The following EML4 variants were observed in gnomAD, a reference collection of about 807,000 sequenced individuals.
EML4 encodes echinoderm microtubule-associated protein-like 4.
EML4 carries 72 observed loss-of-function variants against 129.0 expected under a neutral mutation model. The ratio of observed to expected loss-of-function variants is 0.56; its 90% CI spans 0.46 to 0.68. The LOEUF (loss-of-function observed/expected upper bound fraction) is 0.68. Among genes scored for constraint, EML4 ranks in the 30% least tolerant of loss-of-function variants. The pLI is 0.00. For missense variants in EML4, 1,363 were observed against 1,190.6 expected (o/e 1.14, Z -2.13); for synonymous variants, 532 against 405.0 (o/e 1.31, Z -3.77).
chr2:42,256,634 C>T lies in EML4; in HGVS notation c.338+4C>T. ...CTCTTTCATCTGCTGCTAAAAGGTA[C>T]CCATTTATGAAAGGGGGAAAAACTA... On this transcript the variant is annotated splice_donor_region_variant and intron_variant, in intron 3 of 22. Coordinates refer to ENST00000318522, the MANE Select transcript of EML4 (RefSeq NM_019063.5). 2 of 1,612,728 alleles carry T rather than the reference C, an allele frequency of 1.2e-6. No individual in the cohort carries two copies. Among genetic ancestry groups the T allele is most frequent in the Non-Finnish European group, 1.7e-6 (2 of 1,179,450 alleles).
intron 19 of EML4, 51 bp downstream of exon 19, chr2:42,317,575 C>A (rs368026428): frequency 3.8e-4 from 498 of 1,303,238 alleles, no homozygotes; most frequent in Middle Eastern, 1.1e-3. Flanking sequence ...ATTTTACTTC[C>A]GTTAAAAACA....
intron 1 of EML4, among the ~76,000 whole-genome samples, chr2:42,212,494 A>G (rs962004628): frequency 9.9e-5 from 15 of 152,094 alleles, no homozygotes; most frequent in Non-Finnish European, 1.8e-4. Flanking sequence ...TTTTAGCAAT[A>G]CATGTTTCAT....
At chr2:42,185,949 A>G (rs1671225927) in intron 1 of EML4, among the ~76,000 whole-genome samples, 1 of 152,174 alleles carries the variant, frequency 6.6e-6, no homozygotes, top group African/African-American at 2.4e-5. Flanking sequence ...AAAATCTACA[A>G]GACTCTGTTA....
intron 1 of EML4, among the ~76,000 whole-genome samples, chr2:42,225,249 C>T (rs889655223): frequency 6.6e-6 from 1 of 152,028 alleles, no homozygotes; most frequent in Non-Finnish European, 1.5e-5. Context: ...TCCACACTTT[C>T]GGTTCTGTTG....
chr2:42,218,761 C>G (rs929719442), intron 1 of EML4, among the ~76,000 whole-genome samples: 1 of 152,170 alleles, frequency 6.6e-6, no homozygotes, highest in Non-Finnish European at 1.5e-5. Flanking sequence ...ACTTTGACCA[C>G]AAGAATATTT....
chr2:42,313,812 C>G (rs891758736), intron 17 of EML4, among the ~76,000 whole-genome samples: 2 of 151,954 alleles, frequency 1.3e-5, no homozygotes, highest in African/African-American at 4.8e-5. Flanking sequence ...GCCTGTAGTC[C>G]CAGCTACTTG....
chr2:42,208,449 T>A (rs571867046), intron 1 of EML4, among the ~76,000 whole-genome samples: 1 of 151,208 alleles, frequency 6.6e-6, no homozygotes, highest in East Asian at 1.9e-4. Flanking sequence ...CTTTTCTTTT[T>A]TTTTTTTGAG....
intron 17 of EML4, among the ~76,000 whole-genome samples, chr2:42,313,644 T>C (rs777464080): frequency 2.0e-5 from 3 of 152,126 alleles, no homozygotes; most frequent in Non-Finnish European, 4.4e-5. Flanking sequence ...AAGAAACTTA[T>C]TGGCCGGATA....
chr2:42,261,281 A>C lies in EML4; in HGVS notation c.499A>C (p.Thr167Pro). The C allele has an allele frequency of 6.2e-7, 1 of 1,612,920 alleles. No homozygotes were observed. The highest frequency in any genetic ancestry group is 8.5e-7 in the Non-Finnish European group (1 of 1,179,412). Residue 167 changes from threonine to proline, a missense_variant, in exon 4 of 23, where the codon ACT becomes CCT. Physicochemically the swap from Thr to Pro is conservative, Grantham distance 38. Coordinates refer to ENST00000318522, the MANE Select transcript of EML4 (RefSeq NM_019063.5). ...HRQTPESKNA[T>P]PTKSIKRPSP... Reference sequence around the variant, plus strand: ...ACAAACTCCAGAAAGCAAGAATGCTACTCCCACCAAAAGGTTTTAACTGTC... The same window carrying C: ...ACAAACTCCAGAAAGCAAGAATGCTCCTCCCACCAAAAGGTTTTAACTGTC...
chr2:42,205,518 A>C (rs13002465), intron 1 of EML4, among the ~76,000 whole-genome samples: 41,515 of 151,934 alleles, frequency 0.27, 5,933 homozygotes, highest in East Asian at 0.57. Flanking sequence ...TGGCTTACCT[A>C]ACTCACAGTA....
At chr2:42,267,597 A>C (rs959798747) in intron 6 of EML4, among the ~76,000 whole-genome samples, 4 of 152,244 alleles carry the variant, frequency 2.6e-5, no homozygotes, top group African/African-American at 9.6e-5. Flanking sequence ...CAGACAGAGC[A>C]GAGTAGGAGA....
intron 1 of EML4, among the ~76,000 whole-genome samples, chr2:42,172,450 A>G (rs977835200): frequency 1.3e-5 from 2 of 152,204 alleles, no homozygotes; most frequent in African/African-American, 4.8e-5. Flanking sequence ...CATTTTATAA[A>G]TGCCACATTG....
At chr2:42,303,880 G>A (rs535762189) in intron 16 of EML4, among the ~76,000 whole-genome samples, 12 of 152,262 alleles carry the variant, frequency 7.9e-5, no homozygotes, top group African/African-American at 2.4e-4. Context: ...AGCCGAGATC[G>A]TGCCAGTGCA....
At chr2:42,259,011 C>G (rs1476018982) in intron 3 of EML4, among the ~76,000 whole-genome samples, 1 of 152,104 alleles carries the variant, frequency 6.6e-6, no homozygotes, top group African/African-American at 2.4e-5. Flanking sequence ...CTTTGGGAGG[C>G]TGAGGCAGGC....
At chr2:42,310,700 A>C (rs1435447940) in intron 17 of EML4, among the ~76,000 whole-genome samples, 1 of 152,272 alleles carries the variant, frequency 6.6e-6, no homozygotes, top group Non-Finnish European at 1.5e-5. Flanking sequence ...ACAATGAAAT[A>C]GTAAAAACTT....
At chr2:42,329,200 AAGG>A (rs1379531870) in intron 22 of EML4, among the ~76,000 whole-genome samples, 184 bp downstream of exon 22, 1 of 152,226 alleles carries the variant, frequency 6.6e-6, no homozygotes, top group Non-Finnish European at 1.5e-5. Context: ...TCCTAAGGCT[AAGG>A]AGAAGTGAGC....
chr2:42,263,050 C>G (rs1397133340), intron 4 of EML4, 128 bp from the exon 5 acceptor site: 2 of 741,802 alleles, frequency 2.7e-6, no homozygotes, highest in African/African-American at 3.7e-5. Flanking sequence ...AGTCTTTCAA[C>G]TAATCCTTCT....
In EML4 at chr2:42,234,173, G is replaced by T. The variant is rs557654568; in HGVS notation, c.26-11332G>T. 2.1e-3 allele frequency among the ~76,000 whole-genome samples: 318 copies of T among 152,308 alleles called. 1 individual carries two copies. The highest frequency in any genetic ancestry group is 3.0e-3 in the Non-Finnish European group (207 of 68,012). ...TTTATAAAATAGAACACTTTCTTTA[G>T]TTCAGAGAGCAAAAGGGCAGGAGAA... On this transcript the variant is annotated intron_variant, in intron 1 of 22. Transcript: ENST00000318522.
In EML4 at chr2:42,256,625, T is replaced by C; in HGVS notation, c.333T>C (p.Ala111=). Residue 111 remains alanine (A), a synonymous_variant, in exon 3 of 23, where the codon GCT becomes GCC. Transcript: ENST00000318522. The part of the protein sequence containing the change: ...IAGKETLSSA[A]KSGTEKKKEK... ...GAAAAGAAACTCTTTCATCTGCTGCTAAAAGGTACCCATTTATGAAAGGGG... is the reference window on the plus strand; with the variant it reads ...GAAAAGAAACTCTTTCATCTGCTGCCAAAAGGTACCCATTTATGAAAGGGG... 6.2e-7 allele frequency: 1 copy of C among 1,613,540 alleles called. No homozygotes were observed. Among genetic ancestry groups the C allele is most frequent in the Non-Finnish European group, 8.5e-7 (1 of 1,179,706 alleles).
Sources: gnomAD v4.1 joint callset for allele counts (sites outside exome capture counted in the v4.1 genomes callset) on GRCh38, gnomAD v4.1.1 for gene constraint, MANE v1.5 for transcripts, NCBI Gene and HGNC (gene_info 2026-07-23, HGNC 2026-07-21) for gene names.